Variants in ADAM9 observed in about 807,000 individuals in gnomAD.
ADAM9 encodes the protein ADAM metallopeptidase domain 9.
A neutral mutation model predicts 108.1 loss-of-function variants in ADAM9; 54 were observed. The ratio of observed to expected loss-of-function variants is 0.50; its 90% confidence interval spans 0.40 to 0.63. The LOEUF (loss-of-function observed/expected upper bound fraction) is 0.63, where lower values mean the gene tolerates loss of function less well. ADAM9 is among the 20% of genes least tolerant of loss of function. The probability of loss-of-function intolerance (pLI) is 0.00; values close to 1 mark genes in which losing one functional copy is unlikely to be tolerated. For synonymous variants in ADAM9, 316 were observed against 336.0 expected (o/e 0.94, Z 0.65); for missense variants, 830 against 997.7 (o/e 0.83, Z 2.26).
At chr8:39,036,557 G>T (rs1837281830) in intron 11 of ADAM9, among the ~76,000 whole-genome samples, 1 of 152,252 alleles carries the variant, frequency 6.6e-6, no homozygotes, top group Non-Finnish European at 1.5e-5. Flanking sequence ...TCACCTAGAT[G>T]TGAGAAAAGA....
chr8:39,017,039 T>G (rs1836555596), intron 5 of ADAM9, 180 bp from the exon 6 acceptor site: 1 of 645,812 alleles, frequency 1.5e-6, no homozygotes. Flanking sequence ...AGTAGCTATT[T>G]GAGCTTTCAA....
intron 2 of ADAM9, among the ~76,000 whole-genome samples, chr8:39,008,539 A>C (rs1033270151): frequency 7.9e-5 from 12 of 152,198 alleles, no homozygotes; most frequent in Non-Finnish European, 1.3e-4. Context: ...ATAGTTAAAC[A>C]AAATTGTATC....
intron 9 of ADAM9, among the ~76,000 whole-genome samples, chr8:39,023,868 TC>T (rs1186776226): frequency 2.8e-5 from 4 of 145,018 alleles, no homozygotes; most frequent in African/African-American, 1.0e-4. Flanking sequence ...TGCCTCAGCC[TC>T]CCGACTAGCT....
chr8:39,071,847 T>G (rs527680680), intron 15 of ADAM9, among the ~76,000 whole-genome samples: 1 of 152,350 alleles, frequency 6.6e-6, no homozygotes, highest in African/African-American at 2.4e-5. Flanking sequence ...CATTTTACAA[T>G]GCAAAGCTTC....
At chr8:39,045,435 TGCGC>T (rs1359493555) in intron 12 of ADAM9, among the ~76,000 whole-genome samples, 6 of 121,792 alleles carry the variant, frequency 4.9e-5, no homozygotes, top group African/African-American at 9.6e-5. Flanking sequence ...CACCTATATG[TGCGC>T]GTGTGTACAC....
chr8:39,030,562 T>C (rs1837065447), intron 11 of ADAM9, among the ~76,000 whole-genome samples: 1 of 152,234 alleles, frequency 6.6e-6, no homozygotes. Flanking sequence ...TAAGTGTCCG[T>C]GTGCAGGGTT....
chr8:39,044,491 T>A (rs1356429853), intron 12 of ADAM9, among the ~76,000 whole-genome samples: 1 of 152,180 alleles, frequency 6.6e-6, no homozygotes, highest in Non-Finnish European at 1.5e-5. Context: ...TATGTATGTT[T>A]GTTACATGGG....
rs1237225385 is a variant in ADAM9 at position 38,997,087 on chromosome 8, C to T, written c.24C>T (p.Pro8=). ...AGATGGGGTCTGGCGCGCGCTTTCC[C>T]TCGGGGACCCTTCGTGTCCGGTGGT... The part of the protein sequence containing the change: MGSGARF[P]SGTLRVRWLL... The change falls in exon 1 of 22, where the codon CCC becomes CCT. Residue 8 remains proline, a synonymous_variant. Transcript: ENST00000487273. 3.1e-6 allele frequency: 5 copies of T among 1,607,566 alleles called. No homozygotes were observed. The highest frequency in any genetic ancestry group is 2.2e-5 in the East Asian group (1 of 44,798).
At chr8:39,082,116 C>T (rs935749582) in intron 16 of ADAM9, among the ~76,000 whole-genome samples, 2 of 152,072 alleles carry the variant, frequency 1.3e-5, no homozygotes, top group African/African-American at 4.8e-5. Context: ...ATAGAAATAT[C>T]TAATCATGGT....
Position 39,082,978 on chromosome 8 carries a change from G to A in ADAM9, c.1973G>A (p.Ser658Asn), listed in dbSNP as rs1839069213. Residue 658 changes from serine to asparagine, a missense_variant, in exon 18 of 22, where the codon AGC becomes AAC. By Grantham distance (46) the Ser-to-Asn change is conservative. Around this residue, in one of 3 missense-constraint regions of ADAM9, gnomAD observed 238 missense variants for 235.7 expected, o/e 1.01. Coordinates refer to ENST00000487273, the MANE Select transcript of ADAM9 (RefSeq NM_003816.3). The part of the protein sequence containing the change: ...KKCHGHGVCN[S>N]NKNCHCENGW... ...TTGATTGTTTTGAAGGTATGTAATA[G>A]CAATAAGAATTGTCACTGTGAAAAT... 3 of 1,613,182 alleles carry A rather than the reference G, an allele frequency of 1.9e-6. No homozygotes were observed. The highest frequency in any genetic ancestry group is 2.5e-6 in the Non-Finnish European group (3 of 1,179,238).
rs1836748827 is a variant in ADAM9, at chr8:39,021,767, C to A, written c.744+53C>A. The A allele has an allele frequency of 2.0e-6, 3 of 1,479,546 alleles. No individual in the cohort carries two copies. In the East Asian group the frequency reaches 6.8e-5, roughly 34 times the overall value. 91.7% of individuals were successfully genotyped at this position (1,479,546 alleles called of 1,614,324 possible). ...TGATTCTGTCCTATTCTTTCAGTCC[C>A]AGAACAGAACTTAAAAATGTCTCAT... On this transcript the variant is annotated intron_variant, in intron 8 of 21. Transcript: ENST00000487273.
intron 11 of ADAM9, among the ~76,000 whole-genome samples, chr8:39,036,324 T>A (rs979856051): frequency 6.6e-6 from 1 of 151,956 alleles, no homozygotes; most frequent in Non-Finnish European, 1.5e-5. Context: ...TCAGGTGTTT[T>A]TTTCTTAATC....
At chr8:39,018,009 A>G (rs1019303578) in intron 6 of ADAM9, among the ~76,000 whole-genome samples, 7 of 152,368 alleles carry the variant, frequency 4.6e-5, no homozygotes, top group African/African-American at 1.4e-4. Context: ...ATGTGTTTCA[A>G]GGACACTCTG....
At chr8:39,054,604 A>C in intron 13 of ADAM9, 31 bp downstream of exon 13, 2 of 843,462 alleles carry the variant, frequency 2.4e-6, no homozygotes, top group African/African-American at 3.9e-5. Flanking sequence ...GGAAACAGGA[A>C]AAAAAAAAAA....
intron 3 of ADAM9, among the ~76,000 whole-genome samples, chr8:39,012,944 A>G (rs558951083): frequency 4.9e-4 from 75 of 152,180 alleles, no homozygotes; most frequent in Non-Finnish European, 7.8e-4. Context: ...TTAAAGGATA[A>G]TAATAATAAA....
At chr8:39,062,788 A>G (rs980261666) in intron 14 of ADAM9, among the ~76,000 whole-genome samples, 2 of 152,082 alleles carry the variant, frequency 1.3e-5, no homozygotes, top group Non-Finnish European at 2.9e-5. Flanking sequence ...CTCCCCTTAC[A>G]AATTTATTTC....
At chr8:39,088,981 G>A (rs1457804617) in intron 18 of ADAM9, among the ~76,000 whole-genome samples, 1 of 152,200 alleles carries the variant, frequency 6.6e-6, no homozygotes, top group Non-Finnish European at 1.5e-5. Context: ...CAGGCACGGT[G>A]GCTCACGCCT....
At position 39,018,892 on chromosome 8, in the gene ADAM9, C is replaced by G. The variant is rs778948702; in HGVS notation, c.646C>G (p.Leu216Val). Residue 216 changes from leucine (L) to valine (V), a missense_variant, in exon 7 of 22, where the codon CTG (leucine) becomes GTG (valine). Leu to Val is a conservative substitution (Grantham distance 32). Transcript: ENST00000487273. ...CTTGCCACAGACCCGGTATGTGGAG[C>G]TGTTCATTGTCGTAGACAAGGAAAG... Reference protein sequence around the residue: ...AVLPQTRYVELFIVVDKERYD... With the variant: ...AVLPQTRYVEVFIVVDKERYD... 1.2e-6 allele frequency: 2 copies of G among 1,613,908 alleles called. No individual in the cohort carries two copies. Among genetic ancestry groups the G allele is most frequent in the Admixed American group, 3.3e-5 (2 of 60,018 alleles).
intron 16 of ADAM9, among the ~76,000 whole-genome samples, chr8:39,078,862 T>G (rs1316514700): frequency 6.6e-6 from 1 of 152,240 alleles, no homozygotes; most frequent in Non-Finnish European, 1.5e-5. Flanking sequence ...ACTAGTTTTA[T>G]TTTTGATAGA....
Sources: gnomAD v4.1 joint callset for allele counts (sites outside exome capture counted in the v4.1 genomes callset) on GRCh38, gnomAD v4.1.1 for gene constraint, gnomAD v4.1.1 regional missense constraint, MANE v1.5 for transcripts, NCBI Gene and HGNC (gene_info 2026-07-23, HGNC 2026-07-21) for gene names.